Variants in DDAH1 observed in about 807,000 individuals in gnomAD.
DDAH1 encodes dimethylarginine dimethylaminohydrolase 1, also known as N(G),N(G)-dimethylarginine dimethylaminohydrolase 1.
Under a neutral mutation model 28.8 loss-of-function variants are expected in DDAH1, and 19 were observed. That is an observed-to-expected ratio of 0.66 (90% CI 0.46 to 0.97). The LOEUF (loss-of-function observed/expected upper bound fraction) is 0.97, where lower values mean the gene tolerates loss of function less well. DDAH1 is among the 50% of genes least tolerant of loss of function. The probability of loss-of-function intolerance (pLI) is 0.00; values close to 1 mark genes in which losing one functional copy is unlikely to be tolerated. For synonymous variants in DDAH1, 153 were observed against 154.4 expected (o/e 0.99, Z 0.07); for missense variants, 326 against 375.9 (o/e 0.87, Z 1.10).
chr1:85,555,317 C>T (rs1009480900), intron 1 of DDAH1, among the ~76,000 whole-genome samples: 4 of 152,238 alleles, frequency 2.6e-5, no homozygotes, highest in African/African-American at 9.6e-5. Flanking sequence ...CACTTCCATA[C>T]ATTTATCGTC....
At chr1:85,410,798 T>C (rs1652620046) in intron 1 of DDAH1, among the ~76,000 whole-genome samples, 1 of 152,230 alleles carries the variant, frequency 6.6e-6, no homozygotes. Flanking sequence ...TTCTCAATTT[T>C]ACCTAAGTTT....
chr1:85,369,645 C>T (rs1650272800), intron 1 of DDAH1, among the ~76,000 whole-genome samples: 1 of 152,160 alleles, frequency 6.6e-6, no homozygotes. Flanking sequence ...TTTCAATATA[C>T]CTGGCACTAT....
intron 1 of DDAH1, among the ~76,000 whole-genome samples, chr1:85,447,011 T>A (rs191706808): frequency 6.6e-6 from 1 of 152,256 alleles, no homozygotes; most frequent in Admixed American, 6.5e-5. Flanking sequence ...ATTTTAAAAC[T>A]CAATGGAATA....
chr1:85,480,997 T>C (rs1415317265), intron 2 of DDAH1, among the ~76,000 whole-genome samples: 1 of 151,784 alleles, frequency 6.6e-6, no homozygotes, highest in Non-Finnish European at 1.5e-5. Context: ...AGTGGGATTA[T>C]AGGTGATTTT....
intron 4 of DDAH1, among the ~76,000 whole-genome samples, chr1:85,325,356 C>T (rs1191371743): frequency 7.4e-5 from 7 of 94,038 alleles, no homozygotes; most frequent in East Asian, 8.9e-4. Flanking sequence ...CACGTGCGTG[C>T]GCGCGCGCGC....
chr1:85,443,927 G>A (rs973144826), intron 1 of DDAH1, among the ~76,000 whole-genome samples: 4 of 152,112 alleles, frequency 2.6e-5, no homozygotes, highest in African/African-American at 7.2e-5. Context: ...GAGACGACGG[G>A]GTTTTCTAAA....
intron 1 of DDAH1, among the ~76,000 whole-genome samples, chr1:85,559,510 G>A (rs915330720): frequency 1.3e-5 from 2 of 152,014 alleles, no homozygotes; most frequent in African/African-American, 2.4e-5. Flanking sequence ...GAAAAAAATC[G>A]ATCAATAGAA....
At chr1:85,413,983 T>A (rs1040538773) in intron 1 of DDAH1, among the ~76,000 whole-genome samples, 10 of 152,226 alleles carry the variant, frequency 6.6e-5, no homozygotes, top group Non-Finnish European at 1.5e-4. Context: ...GAAAATGTGT[T>A]TCCTACTAAA....
At chr1:85,576,206 T>A (rs1030118526) in intron 1 of DDAH1, among the ~76,000 whole-genome samples, 1 of 152,180 alleles carries the variant, frequency 6.6e-6, no homozygotes, top group African/African-American at 2.4e-5. Flanking sequence ...ATGTGAACCC[T>A]ATATAATGTG....
At chr1:85,398,571 G>A (rs1651918804) in intron 1 of DDAH1, 1 of 152,154 alleles carries the variant, frequency 6.6e-6, no homozygotes, top group Admixed American at 6.5e-5. Context: ...CAAGGGACAA[G>A]TCTCATGTGT....
chr1:85,373,641 G>A (rs1393555396), intron 1 of DDAH1, among the ~76,000 whole-genome samples: 5 of 152,192 alleles, frequency 3.3e-5, no homozygotes, highest in African/African-American at 7.2e-5. Context: ...CCAGTCATGC[G>A]GAACTGTGAA....
chr1:85,423,790 T>C (rs1653261230), intron 1 of DDAH1, among the ~76,000 whole-genome samples: 1 of 152,186 alleles, frequency 6.6e-6, no homozygotes, highest in Non-Finnish European at 1.5e-5. Context: ...TACTTTTCTT[T>C]TCTTATTACA....
intron 5 of DDAH1, among the ~76,000 whole-genome samples, chr1:85,322,776 T>G (rs1186668074): frequency 2.0e-5 from 3 of 152,164 alleles, no homozygotes; most frequent in Non-Finnish European, 4.4e-5. Flanking sequence ...AACAGGGATA[T>G]TATTAATACT....
At chr1:85,405,706 G>T (rs1012324184) in intron 1 of DDAH1, among the ~76,000 whole-genome samples, 2 of 152,132 alleles carry the variant, frequency 1.3e-5, no homozygotes, top group Admixed American at 1.3e-4. Context: ...AGTCTTGAGA[G>T]AAGGTGGAAT....
chr1:85,379,389 T>C (rs1016804702), intron 1 of DDAH1, among the ~76,000 whole-genome samples: 7 of 152,312 alleles, frequency 4.6e-5, no homozygotes, highest in Middle Eastern at 3.4e-3. Flanking sequence ...TGACCTAATA[T>C]TTAAGCTTCA....
intron 1 of DDAH1, among the ~76,000 whole-genome samples, chr1:85,458,712 T>C (rs541314155): frequency 6.6e-6 from 1 of 152,198 alleles, no homozygotes; most frequent in Non-Finnish European, 1.5e-5. Flanking sequence ...GGGGAAGTGA[T>C]GGAAGCTAAC....
intron 1 of DDAH1, among the ~76,000 whole-genome samples, chr1:85,452,276 AT>A (rs1469359619): frequency 1.3e-5 from 2 of 152,148 alleles, no homozygotes; most frequent in South Asian, 2.1e-4. Context: ...TATTTAAGGT[AT>A]TTTTTGGTCT....
intron 1 of DDAH1, among the ~76,000 whole-genome samples, chr1:85,419,859 G>A (rs1653060873): frequency 6.6e-6 from 1 of 152,096 alleles, no homozygotes; most frequent in Non-Finnish European, 1.5e-5. Flanking sequence ...AGAGTTTTCA[G>A]GAGAGCTGAT....
intron 1 of DDAH1, among the ~76,000 whole-genome samples, chr1:85,455,073 C>T (rs903262030): frequency 5.3e-5 from 8 of 152,014 alleles, no homozygotes; most frequent in African/African-American, 1.9e-4. Context: ...ATTCCAAAAA[C>T]AAGATTTAAA....
Sources: allele counts gnomAD v4.1 joint callset (sites outside exome capture counted in the v4.1 genomes callset), GRCh38; gene constraint gnomAD v4.1.1; transcripts MANE v1.5; gene names NCBI Gene and HGNC (gene_info 2026-07-23, HGNC 2026-07-21).